The following ESRRB variants were observed in gnomAD, a reference collection of about 807,000 sequenced individuals.
ESRRB encodes the protein steroid hormone receptor ERR2.
ESRRB carries 16 observed loss-of-function variants against 46.0 expected under a neutral mutation model. That is an observed-to-expected ratio of 0.35 (90% CI 0.24 to 0.53). The LOEUF (loss-of-function observed/expected upper bound fraction) is 0.53. ESRRB is among the 20% of genes least tolerant of loss of function. ESRRB has a pLI of 0.93. For missense variants in ESRRB, 488 were observed against 607.4 expected (o/e 0.80, Z 2.07); for synonymous variants, 246 against 259.6 (o/e 0.95, Z 0.50).
chr14:76,458,841 T>A (rs76641872), intron 2 of ESRRB, among the ~76,000 whole-genome samples: 7 of 103,860 alleles, frequency 6.7e-5, no homozygotes, highest in African/African-American at 3.0e-4. Context: ...CACCCTCTCC[T>A]TTTTTTTTTT....
intron 1 of ESRRB, among the ~76,000 whole-genome samples, chr14:76,328,933 T>A (rs1382900174): frequency 1.3e-5 from 2 of 152,144 alleles, no homozygotes; most frequent in Non-Finnish European, 2.9e-5. Flanking sequence ...GTGTGTTTGA[T>A]CTCTGGTGCA....
chr14:76,433,542 G>C (rs952305594), intron 1 of ESRRB, among the ~76,000 whole-genome samples: 1 of 152,080 alleles, frequency 6.6e-6, no homozygotes, highest in Non-Finnish European at 1.5e-5. Flanking sequence ...CCTTCCCCAC[G>C]TCACAGCCTC....
chr14:76,462,434 G>T (rs558471041), intron 2 of ESRRB, 111 bp from the exon 3 acceptor site: 37 of 768,650 alleles, frequency 4.8e-5, no homozygotes, highest in Middle Eastern at 3.5e-4. Context: ...AGAACACTAG[G>T]GGGGAGTGGC....
At position 76,500,923 on chromosome 14, in the gene ESRRB, T is replaced by G. The variant is rs1890637458; in HGVS notation, c.*2465T>G. The G allele has an allele frequency of 3.2e-6, 2 of 629,140 alleles. No homozygotes were observed. Among genetic ancestry groups the G allele is most frequent in the Middle Eastern group, 3.9e-4 (1 of 2,552 alleles). 39.0% of individuals were successfully genotyped at this position (629,140 alleles called of 1,614,324 possible). A position where few individuals can be genotyped will look rare whatever the true frequency, so the allele number is the denominator to read the frequency against. On this transcript the variant is annotated 3_prime_UTR_variant, in exon 7 of 7. Coordinates refer to ENST00000644823, the MANE Select transcript of ESRRB (RefSeq NM_001379180.1). ...GGAAATGTGTCAGTAACAATGGAAC[T>G]CCATCCAATGGGAAAGTTCCTGGTA...
chr14:76,495,868 A>G (rs1890407843), intron 6 of ESRRB, among the ~76,000 whole-genome samples: 1 of 152,202 alleles, frequency 6.6e-6, no homozygotes, highest in Admixed American at 6.5e-5. Context: ...AAGTTTCTAA[A>G]TGCTTACTCT....
At position 76,499,023 on chromosome 14, in the gene ESRRB, C is replaced by T; in HGVS notation, c.*565C>T. On this transcript the variant is annotated 3_prime_UTR_variant, in exon 7 of 7. Transcript: ENST00000644823. Reference sequence around the variant, plus strand: ...CCACAGTTTCCACTCAGCTTTCAGCCAGGGGGTACCCACAGGAGAGCAGCG... The same window carrying T: ...CCACAGTTTCCACTCAGCTTTCAGCTAGGGGGTACCCACAGGAGAGCAGCG... The T allele has an allele frequency of 2.8e-6, 1 of 358,530 alleles. No homozygotes were observed. Among genetic ancestry groups the T allele is most frequent in the South Asian group, 2.1e-5 (1 of 47,804 alleles). 22.2% of individuals were successfully genotyped at this position (358,530 alleles called of 1,614,324 possible).
chr14:76,410,613 A>G (rs1464740255), intron 1 of ESRRB, among the ~76,000 whole-genome samples: 2 of 152,128 alleles, frequency 1.3e-5, no homozygotes, highest in Non-Finnish European at 2.9e-5. Flanking sequence ...GTGAAGGGCC[A>G]GGATCCAAAT....
intron 3 of ESRRB, among the ~76,000 whole-genome samples, chr14:76,471,345 G>A (rs1889366504): frequency 6.6e-6 from 1 of 152,176 alleles, no homozygotes; most frequent in African/African-American, 2.4e-5. Flanking sequence ...TCTTGTTAAA[G>A]CACTGGTAAG....
chr14:76,339,786 C>T (rs1331569794), intron 1 of ESRRB, among the ~76,000 whole-genome samples: 1 of 152,066 alleles, frequency 6.6e-6, no homozygotes, highest in Non-Finnish European at 1.5e-5. Context: ...CCTCTATGGC[C>T]CCAGGAATGG....
intron 1 of ESRRB, among the ~76,000 whole-genome samples, chr14:76,335,225 G>A (rs981515187): frequency 5.3e-5 from 8 of 152,060 alleles, no homozygotes; most frequent in South Asian, 2.1e-4. Flanking sequence ...GCTCTTTTCC[G>A]CCAACATTAC....
chr14:76,345,373 G>A (rs566702210), intron 1 of ESRRB, among the ~76,000 whole-genome samples: 1 of 151,552 alleles, frequency 6.6e-6, no homozygotes, highest in East Asian at 1.9e-4. Context: ...CATCAAAAAA[G>A]TGGGCTAAGG....
chr14:76,380,579 C>A (rs1435548781), intron 1 of ESRRB, among the ~76,000 whole-genome samples: 1 of 152,242 alleles, frequency 6.6e-6, no homozygotes, highest in Non-Finnish European at 1.5e-5. Flanking sequence ...TTCCCCAACA[C>A]CTACCGGCCA....
At position 76,439,462 on chromosome 14, in the gene ESRRB, G is replaced by A. The variant is rs1338633100; in HGVS notation, c.172G>A (p.Gly58Ser). ...IDALSHHSPSGSSDASGGFGL... is the reference protein window; with the variant it reads ...IDALSHHSPSSSSDASGGFGL... Reference sequence around the variant, plus strand: ...TGCCCTCAGCCACCACAGCCCCAGTGGCTCGTCCGACGCCAGCGGCGGCTT... The same window carrying A: ...TGCCCTCAGCCACCACAGCCCCAGTAGCTCGTCCGACGCCAGCGGCGGCTT... Residue 58 changes from glycine (G) to serine (S), a missense_variant, in exon 2 of 7, where the codon GGC (glycine) becomes AGC (serine). Coordinates refer to ENST00000644823, the MANE Select transcript of ESRRB (RefSeq NM_001379180.1). 1 of 1,612,758 alleles carries A rather than the reference G, an allele frequency of 6.2e-7. No individual in the cohort carries two copies. The highest frequency in any genetic ancestry group is 1.7e-5 in the Admixed American group (1 of 60,004).
intron 2 of ESRRB, among the ~76,000 whole-genome samples, chr14:76,440,992 G>C: frequency 6.6e-6 from 1 of 152,196 alleles, no homozygotes; most frequent in East Asian, 1.9e-4. Flanking sequence ...AGGTTGCAGT[G>C]AGCCAAGATT....
At chr14:76,346,440 C>T (rs1294807770) in intron 1 of ESRRB, among the ~76,000 whole-genome samples, 1 of 152,236 alleles carries the variant, frequency 6.6e-6, no homozygotes, top group African/African-American at 2.4e-5. Context: ...TCACCCAGGG[C>T]AACACCCTTA....
At position 76,457,614 on chromosome 14, in the gene ESRRB, G is replaced by A. The variant is rs931306574; in HGVS notation, c.461-4931G>A. ...GCAGAGCAGCCGTGGTGGCCTGTTT[G>A]CCAGTGCCTGCACTTCACTAAGACC... On this transcript the variant is annotated intron_variant, in intron 2 of 6. Coordinates refer to ENST00000644823, the MANE Select transcript of ESRRB (RefSeq NM_001379180.1). 2.0e-4 allele frequency among the ~76,000 whole-genome samples: 30 copies of A among 152,010 alleles called. 1 individual carries two copies. The highest frequency in any genetic ancestry group is 1.6e-3 in the Admixed American group (24 of 15,258).
chr14:76,466,716 ATT>A, intron 3 of ESRRB, among the ~76,000 whole-genome samples: 1 of 145,706 alleles, frequency 6.9e-6, no homozygotes, highest in South Asian at 2.2e-4. Context: ...TGCCCGTGTA[ATT>A]TTTTTTTTTT....
intron 3 of ESRRB, among the ~76,000 whole-genome samples, chr14:76,466,680 T>C (rs2082390587): frequency 6.6e-6 from 1 of 152,144 alleles, no homozygotes; most frequent in Non-Finnish European, 1.5e-5. Flanking sequence ...ATGGCCTGTG[T>C]TCTGCCCCTG....
chr14:76,357,535 A>C (rs541829871), intron 1 of ESRRB, among the ~76,000 whole-genome samples: 1 of 152,206 alleles, frequency 6.6e-6, no homozygotes, highest in African/African-American at 2.4e-5. Context: ...ATTTATAGAG[A>C]TGGGGGTCTC....
Sources: gnomAD v4.1 joint callset for allele counts (sites outside exome capture counted in the v4.1 genomes callset) on GRCh38, gnomAD v4.1.1 for gene constraint, MANE v1.5 for transcripts, NCBI Gene and HGNC (gene_info 2026-07-23, HGNC 2026-07-21) for gene names.